MARF1: variants seen among roughly 807,000 people sequenced by gnomAD.
The protein encoded by MARF1 is limkain-b1.
MARF1 carries 24 observed loss-of-function variants against 168.2 expected under a neutral mutation model. The ratio of observed to expected loss-of-function variants is 0.14; its 90% CI spans 0.10 to 0.20. The LOEUF (loss-of-function observed/expected upper bound fraction) is 0.20. Among genes scored for constraint, MARF1 ranks in the 10% least tolerant of loss-of-function variants. The pLI is 1.00. For synonymous variants in MARF1, 868 were observed against 822.4 expected (o/e 1.06, Z -0.95); for missense variants, 1,744 against 2,143.6 (o/e 0.81, Z 3.68).
intron 7 of MARF1, 68 bp from the exon 8 acceptor site, chr16:15,625,868 A>C: frequency 7.9e-7 from 1 of 1,272,404 alleles, no homozygotes; most frequent in Non-Finnish European, 1.1e-6. Flanking sequence ...CAAAATAAGA[A>C]CAATGGGTGA....
intron 3 of MARF1, chr16:15,635,406 C>A (rs1005994606): frequency 5.1e-5 from 26 of 506,768 alleles, no homozygotes; most frequent in African/African-American, 1.7e-4. Context: ...GCTTTGCCAA[C>A]CTCTTGTTTG....
chr16:15,642,670 T>A (rs1307286034), intron 1 of MARF1, among the ~76,000 whole-genome samples: 1 of 150,764 alleles, frequency 6.6e-6, no homozygotes, highest in Non-Finnish European at 1.5e-5. Context: ...GAGGGGGGAG[T>A]GTGTTGCAAA....
intron 13 of MARF1, among the ~76,000 whole-genome samples, chr16:15,618,652 C>T (rs921991199): frequency 3.3e-5 from 5 of 152,108 alleles, no homozygotes; most frequent in Non-Finnish European, 5.9e-5. Flanking sequence ...CCATTCCTGC[C>T]CTCTATTTCT....
chr16:15,608,990 G>C (rs1415856876), intron 20 of MARF1, among the ~76,000 whole-genome samples: 1 of 152,198 alleles, frequency 6.6e-6, no homozygotes, highest in African/African-American at 2.4e-5. Context: ...TGTAATCCCA[G>C]CACTCTGGGA....
chr16:15,613,757 C>A (rs1360616006), intron 16 of MARF1, among the ~76,000 whole-genome samples: 2 of 151,952 alleles, frequency 1.3e-5, no homozygotes, highest in Admixed American at 1.3e-4. Context: ...GGAGGAGTGG[C>A]ATAATCTATG....
At chr16:15,621,975 A>G in intron 11 of MARF1, 64 bp from the exon 12 acceptor site, 1 of 1,474,490 alleles carries the variant, frequency 6.8e-7, no homozygotes, top group Non-Finnish European at 9.3e-7. Context: ...CTTAAAACTG[A>G]AGGTGAACCA....
chr16:15,617,207 C>T (rs752910989), intron 14 of MARF1, 36 bp from the exon 15 acceptor site: 1 of 1,612,590 alleles, frequency 6.2e-7, no homozygotes, highest in Non-Finnish European at 8.5e-7. Flanking sequence ...AGCTGACATT[C>T]CGCAGGGGTC....
intron 7 of MARF1, among the ~76,000 whole-genome samples, chr16:15,626,769 G>A (rs2034875731): frequency 6.6e-6 from 1 of 152,038 alleles, no homozygotes; most frequent in African/African-American, 2.4e-5. Flanking sequence ...CGACCAGCCT[G>A]ACCAACATGG....
chr16:15,639,921 T>C (rs866332225), intron 1 of MARF1, among the ~76,000 whole-genome samples: 1 of 152,252 alleles, frequency 6.6e-6, no homozygotes, highest in Non-Finnish European at 1.5e-5. Flanking sequence ...TCCATGAGTC[T>C]TGTTTCCTTT....
At chr16:15,613,999 C>G (rs745443232) in intron 16 of MARF1, among the ~76,000 whole-genome samples, 3 of 152,150 alleles carry the variant, frequency 2.0e-5, no homozygotes, top group African/African-American at 7.2e-5. Context: ...GGGCAGCAGC[C>G]TTGGATATCT....
rs1444133244 is a variant in MARF1 at position 15,595,239 on chromosome 16, A to T, written c.*1454T>A. ...AACTGGGAGTCACTGGCTTCATTTAAAAGATTTGGGGAACAAAAAATCTGA... is the reference window on the plus strand; with the variant it reads ...AACTGGGAGTCACTGGCTTCATTTATAAGATTTGGGGAACAAAAAATCTGA... On this transcript the variant is annotated 3_prime_UTR_variant, in exon 27 of 27. Transcript: ENST00000396368. The T allele has an allele frequency of 5.9e-5, 9 of 152,564 alleles. No individual in the cohort carries two copies. Among genetic ancestry groups the T allele is most frequent in the Non-Finnish European group, 8.8e-5 (6 of 68,038 alleles). The allele number at this position is 152,564 out of a possible 1,614,324, so 9.5% of individuals were successfully genotyped here.
Position 15,607,200 on chromosome 16 carries a change from C to A in MARF1, c.4182+1091G>T, listed in dbSNP as rs532302422. On this transcript the variant is annotated intron_variant, in intron 21 of 26. Transcript: ENST00000396368. ...ATCAGTACCTAAGGAGAGCTCTGAGCGTTCCTACCTCTGCCAAGGTAAGAA... is the reference window on the plus strand; with the variant it reads ...ATCAGTACCTAAGGAGAGCTCTGAGAGTTCCTACCTCTGCCAAGGTAAGAA... Among the ~76,000 whole-genome samples, 8 of 152,266 alleles carry A rather than the reference C, an allele frequency of 5.3e-5. No homozygotes were observed. The East Asian group carries it at 1.4e-3, about 26-fold the overall frequency.
Position 15,611,038 on chromosome 16 carries a change from G to T in MARF1, c.3688C>A (p.Pro1230Thr). The change falls in exon 19 of 27, where the codon CCA becomes ACA. Residue 1230 changes from proline to threonine, a missense_variant. Physicochemically the swap from Pro to Thr is conservative, Grantham distance 38. This residue lies in a region of MARF1 where 543 missense variants were observed against 742.1 expected (regional missense o/e 0.73). Coordinates refer to ENST00000396368, the MANE Select transcript of MARF1 (RefSeq NM_014647.4). ...CELIDIVSEI[P>T]DTTICLSQQD... ...TGGGACAAGCAGATGGTTGTGTCTG[G>T]AATCTCTGATACGATGTCAATCAAC... 1.2e-6 allele frequency: 2 copies of T among 1,613,626 alleles called. No homozygotes were observed. The highest frequency in any genetic ancestry group is 1.7e-6 in the Non-Finnish European group (2 of 1,179,602).
chr16:15,639,054 G>C (rs1414034412), intron 2 of MARF1, 36 bp downstream of exon 2: 2 of 1,592,956 alleles, frequency 1.3e-6, no homozygotes, highest in South Asian at 1.1e-5. Context: ...ATTTGGATGA[G>C]GAATCTGCTA....
At chr16:15,601,665 C>T (rs146513809) in intron 23 of MARF1, 458 of 419,992 alleles carry the variant, frequency 1.1e-3, no homozygotes, top group African/African-American at 8.1e-3. Context: ...TGGGCCCTGA[C>T]ACGGCCCTCC....
At chr16:15,626,243 G>A (rs1161879641) in intron 7 of MARF1, among the ~76,000 whole-genome samples, 1 of 152,212 alleles carries the variant, frequency 6.6e-6, no homozygotes, top group Non-Finnish European at 1.5e-5. Flanking sequence ...AGTAGTGCCT[G>A]GGAGTGGGGA....
At chr16:15,611,254 C>T (rs949435565) in intron 18 of MARF1, 146 bp from the exon 19 acceptor site, 13 of 726,846 alleles carry the variant, frequency 1.8e-5, no homozygotes, top group South Asian at 7.4e-5. Flanking sequence ...GTCAAGAGAT[C>T]GCGACCATCC....
chr16:15,604,249 G>A lies in MARF1; in HGVS notation c.4332C>T (p.Thr1444=). ...VEELKRHYES[T]HNTPLNPCEY... is the part of the protein sequence containing the mutation. ...CACAGGGGTTAAGGGGAGTGTTGTG[G>A]GTACTTTCGTAATGTCTCTTGAGCT... Residue 1444 remains threonine, a synonymous_variant, in exon 22 of 27, where the codon ACC becomes ACT. Coordinates refer to ENST00000396368, the MANE Select transcript of MARF1 (RefSeq NM_014647.4). 3.1e-6 allele frequency: 5 copies of A among 1,614,158 alleles called. No homozygotes were observed. The highest frequency in any genetic ancestry group is 4.2e-6 in the Non-Finnish European group (5 of 1,180,014).
chr16:15,607,195 C>G (rs2033092355), intron 21 of MARF1, among the ~76,000 whole-genome samples: 1 of 152,168 alleles, frequency 6.6e-6, no homozygotes, highest in Non-Finnish European at 1.5e-5. Context: ...AAGGAGAGCT[C>G]TGAGCGTTCC....
Sources: gnomAD v4.1 joint callset for allele counts (sites outside exome capture counted in the v4.1 genomes callset) on GRCh38, gnomAD v4.1.1 for gene constraint, gnomAD v4.1.1 regional missense constraint, MANE v1.5 for transcripts, NCBI Gene and HGNC (gene_info 2026-07-23, HGNC 2026-07-21) for gene names.